PDE4B: variants seen among roughly 807,000 people sequenced by gnomAD.
PDE4B encodes 3',5'-cyclic-AMP phosphodiesterase 4B.
Under a neutral mutation model 82.2 loss-of-function variants are expected in PDE4B, and 20 were observed. That is an observed-to-expected ratio of 0.24 (90% CI 0.17 to 0.35). The LOEUF is 0.35. Among genes scored for constraint, PDE4B ranks in the 10% least tolerant of loss-of-function variants. The probability of loss-of-function intolerance (pLI) is 1.00; values close to 1 mark genes in which losing one functional copy is unlikely to be tolerated. For synonymous variants in PDE4B, 320 were observed against 318.9 expected (o/e 1.00, Z -0.04); for missense variants, 655 against 907.2 (o/e 0.72, Z 3.57).
At chr1:65,918,236 G>A (rs1261049452) in intron 2 of PDE4B, among the ~76,000 whole-genome samples, 5 of 152,244 alleles carry the variant, frequency 3.3e-5, no homozygotes, top group African/African-American at 7.2e-5. Context: ...GTTGCAGAAC[G>A]ATAACATTGA....
intron 1 of PDE4B, among the ~76,000 whole-genome samples, chr1:65,881,952 CTGAGAAT>C (rs1646713456): frequency 6.6e-6 from 1 of 152,138 alleles, no homozygotes; most frequent in South Asian, 2.1e-4. Context: ...AAGTGCTTTC[CTGAGAAT>C]TTGTTCTTCA....
chr1:66,228,607 C>T (rs948369281), intron 3 of PDE4B, among the ~76,000 whole-genome samples: 8 of 145,964 alleles, frequency 5.5e-5, no homozygotes, highest in East Asian at 2.0e-4. Context: ...CCAGCCTGGG[C>T]GACAGAGCAA....
intron 3 of PDE4B, among the ~76,000 whole-genome samples, chr1:66,210,226 C>G (rs565627079): frequency 4.2e-4 from 64 of 152,228 alleles, no homozygotes; most frequent in Middle Eastern, 3.4e-3. Flanking sequence ...TTTTATTTCT[C>G]ATGCAAGTCA....
At chr1:65,798,190 G>C (rs1557752667) in intron 1 of PDE4B, among the ~76,000 whole-genome samples, 4 of 117,824 alleles carry the variant, frequency 3.4e-5, no homozygotes, top group Non-Finnish European at 7.9e-5. Flanking sequence ...GCTAATTTTT[G>C]TATTTTTTTT....
At chr1:66,119,161 C>T (rs1299567528) in intron 3 of PDE4B, among the ~76,000 whole-genome samples, 4 of 152,152 alleles carry the variant, frequency 2.6e-5, no homozygotes, top group African/African-American at 7.2e-5. Context: ...GGCCTAGTCT[C>T]GATTTTGGTT....
intron 1 of PDE4B, among the ~76,000 whole-genome samples, chr1:65,873,726 C>T (rs1646602539): frequency 6.6e-6 from 1 of 152,022 alleles, no homozygotes; most frequent in Non-Finnish European, 1.5e-5. Context: ...TTGTCTAAGA[C>T]CAACATTTTA....
chr1:66,342,905 C>T (rs886910845), intron 8 of PDE4B, among the ~76,000 whole-genome samples: 12 of 151,896 alleles, frequency 7.9e-5, no homozygotes, highest in Non-Finnish European at 1.2e-4. Context: ...ATTAGCCGGA[C>T]GCAGTGGTGC....
At chr1:65,949,656 G>T (rs181982117) in intron 3 of PDE4B, among the ~76,000 whole-genome samples, 2 of 152,160 alleles carry the variant, frequency 1.3e-5, no homozygotes, top group African/African-American at 4.8e-5. Flanking sequence ...TTTTGATCAG[G>T]TTATGCTGAG....
chr1:66,292,055 G>A (rs763574446), intron 7 of PDE4B, among the ~76,000 whole-genome samples: 6 of 152,068 alleles, frequency 3.9e-5, no homozygotes, highest in East Asian at 1.9e-4. Context: ...TTCCATTAGC[G>A]CCTGGGGAAT....
chr1:66,344,389 A>G (rs1476549823), intron 8 of PDE4B, among the ~76,000 whole-genome samples: 2 of 152,224 alleles, frequency 1.3e-5, no homozygotes, highest in Non-Finnish European at 2.9e-5. Flanking sequence ...TTAAATATTT[A>G]AAAATCAGTA....
At chr1:65,940,776 A>T (rs1368488377) in intron 3 of PDE4B, among the ~76,000 whole-genome samples, 1 of 152,128 alleles carries the variant, frequency 6.6e-6, no homozygotes, top group Non-Finnish European at 1.5e-5. Flanking sequence ...ATTTTGGACA[A>T]GTATAAAAGT....
intron 3 of PDE4B, among the ~76,000 whole-genome samples, chr1:66,176,776 C>T (rs1465104740): frequency 6.6e-6 from 1 of 152,138 alleles, no homozygotes; most frequent in Non-Finnish European, 1.5e-5. Flanking sequence ...GGATGGTATG[C>T]AAAGAAACAT....
chr1:65,960,125 G>A (rs1021179133), intron 3 of PDE4B, among the ~76,000 whole-genome samples: 1 of 152,160 alleles, frequency 6.6e-6, no homozygotes, highest in African/African-American at 2.4e-5. Context: ...ATTGTTTAAT[G>A]CCTGTGCCTG....
At chr1:66,260,012 A>T (rs1654565224) in intron 6 of PDE4B, among the ~76,000 whole-genome samples, 1 of 152,216 alleles carries the variant, frequency 6.6e-6, no homozygotes, top group African/African-American at 2.4e-5. Context: ...CAAAGCACTT[A>T]AAACAGCATC....
intron 3 of PDE4B, among the ~76,000 whole-genome samples, chr1:66,105,061 T>G (rs1423156669): frequency 3.9e-5 from 6 of 152,210 alleles, no homozygotes; most frequent in Admixed American, 3.3e-4. Flanking sequence ...TCTAGGATTT[T>G]TATGGTTTTA....
chr1:65,930,513 G>A (rs958942510), intron 3 of PDE4B, among the ~76,000 whole-genome samples: 16 of 152,234 alleles, frequency 1.1e-4, no homozygotes, highest in African/African-American at 3.4e-4. Flanking sequence ...CCACAGGGGC[G>A]GAGCTGCCCA....
chr1:65,895,850 AAC>A (rs34474686), intron 1 of PDE4B, among the ~76,000 whole-genome samples: 24,213 of 150,064 alleles, frequency 0.16, 2,264 homozygotes, highest in Middle Eastern at 0.29. Context: ...AGTATTACTT[AAC>A]ACAGTATTAG....
intron 1 of PDE4B, among the ~76,000 whole-genome samples, chr1:65,861,539 T>C (rs1392987874): frequency 6.6e-6 from 1 of 152,208 alleles, no homozygotes; most frequent in Non-Finnish European, 1.5e-5. Context: ...GGCTCTTTTT[T>C]GGTTCCATAC....
chr1:66,075,968 G>A (rs1557543353), intron 3 of PDE4B, among the ~76,000 whole-genome samples: 2 of 151,776 alleles, frequency 1.3e-5, no homozygotes, highest in Non-Finnish European at 2.9e-5. Flanking sequence ...AAGTCTGGGA[G>A]CTGAATTTGA....
Sources: gnomAD v4.1 joint callset for allele counts (sites outside exome capture counted in the v4.1 genomes callset) on GRCh38, gnomAD v4.1.1 for gene constraint, MANE v1.5 for transcripts, NCBI Gene and HGNC (gene_info 2026-07-23, HGNC 2026-07-21) for gene names.